The following CFAP54 variants were observed in gnomAD, a reference collection of about 807,000 sequenced individuals.
CFAP54 encodes the protein cilia and flagella associated protein 54.
CFAP54 carries 290 observed loss-of-function variants against 370.4 expected under a neutral mutation model. That is an observed-to-expected ratio of 0.78 (90% confidence interval 0.71 to 0.86). The LOEUF is 0.86. Among genes scored for constraint, CFAP54 ranks in the 40% least tolerant of loss-of-function variants. The probability of loss-of-function intolerance (pLI) is 0.00; values close to 1 mark genes in which losing one functional copy is unlikely to be tolerated. For synonymous variants in CFAP54, 1,206 were observed against 1,236.5 expected (o/e 0.98, Z 0.52); for missense variants, 3,399 against 3,528.7 (o/e 0.96, Z 0.93).
At chr12:96,720,610 T>C in intron 50 of CFAP54, 45 bp downstream of exon 50, 1 of 1,302,798 alleles carries the variant, frequency 7.7e-7, no homozygotes, top group Non-Finnish European at 9.9e-7. Flanking sequence ...TGAAGAGAGT[T>C]CCTTCACCCT....
chr12:96,795,208 G>T (rs961983884), intron 63 of CFAP54, among the ~76,000 whole-genome samples: 4 of 152,170 alleles, frequency 2.6e-5, no homozygotes, highest in Non-Finnish European at 5.9e-5. Context: ...CTGGTTTTGT[G>T]TTGGTTGGCC....
At chr12:96,552,370 G>C (rs907552537) in intron 15 of CFAP54, among the ~76,000 whole-genome samples, 1 of 151,708 alleles carries the variant, frequency 6.6e-6, no homozygotes, top group Non-Finnish European at 1.5e-5. Context: ...TTGAAACAGG[G>C]TCTCACTCTG....
chr12:96,660,673 A>G (rs560977246), intron 38 of CFAP54, among the ~76,000 whole-genome samples: 78 of 152,318 alleles, frequency 5.1e-4, no homozygotes, highest in African/African-American at 1.8e-3. Context: ...TAAGCAAGAA[A>G]TCAGTTCTGC....
At chr12:96,765,770 G>A (rs187478263) in intron 60 of CFAP54, among the ~76,000 whole-genome samples, 13 of 152,296 alleles carry the variant, frequency 8.5e-5, no homozygotes, top group East Asian at 5.8e-4. Flanking sequence ...ATTAATGAAA[G>A]AAATTAGCAA....
intron 66 of CFAP54, among the ~76,000 whole-genome samples, chr12:96,844,490 G>A (rs1228835114): frequency 2.6e-5 from 4 of 152,148 alleles, no homozygotes; most frequent in Admixed American, 2.0e-4. Context: ...TTAGCCCAGG[G>A]AAATGATTTC....
At chr12:96,638,586 A>G (rs145710789) in intron 32 of CFAP54, among the ~76,000 whole-genome samples, 3 of 151,818 alleles carry the variant, frequency 2.0e-5, no homozygotes. Context: ...ATTTAGTTCT[A>G]TATGTTTTTA....
At chr12:96,597,425 C>G (rs1956191762) in intron 25 of CFAP54, among the ~76,000 whole-genome samples, 1 of 151,814 alleles carries the variant, frequency 6.6e-6, no homozygotes, top group Admixed American at 6.6e-5. Context: ...ATCTTGATTG[C>G]TAATCATAGT....
At chr12:96,786,404 C>G (rs1403705515) in intron 61 of CFAP54, among the ~76,000 whole-genome samples, 1 of 152,114 alleles carries the variant, frequency 6.6e-6, no homozygotes, top group Non-Finnish European at 1.5e-5. Flanking sequence ...TGGTCTCAAA[C>G]TCCTGACCTC....
At position 96,756,493 on chromosome 12, in the gene CFAP54, T is replaced by A; in HGVS notation, c.7876T>A (p.Ser2626Thr). ...IERQILMEEK[S>T]PSFQLESLYE... is the part of the protein sequence containing the mutation. ...ACGTCAAATACTAATGGAAGAGAAATCTCCAAGTTTTCAACTTGAGAGTTT... is the reference window on the plus strand; with the variant it reads ...ACGTCAAATACTAATGGAAGAGAAAACTCCAAGTTTTCAACTTGAGAGTTT... The change falls in exon 57 of 68, where the codon TCT becomes ACT. Residue 2626 changes from serine (S) to threonine (T), a missense_variant. This residue lies in a region of CFAP54 where 2,796 missense variants were observed against 2,869.7 expected (regional missense o/e 0.97). Transcript: ENST00000524981. 1.2e-6 allele frequency: 2 copies of A among 1,602,698 alleles called. No homozygotes were observed. Among genetic ancestry groups the A allele is most frequent in the East Asian group, 4.5e-5 (2 of 44,774 alleles).
At position 96,720,479 on chromosome 12, in the gene CFAP54, G is replaced by A; in HGVS notation, c.6879G>A (p.Gln2293=). 1 of 1,605,606 alleles carries A rather than the reference G, an allele frequency of 6.2e-7. No homozygotes were observed. The highest frequency in any genetic ancestry group is 8.5e-7 in the Non-Finnish European group (1 of 1,175,358). Residue 2293 remains glutamine, a synonymous_variant, in exon 50 of 68, where the codon CAG becomes CAA. Transcript: ENST00000524981. ...AGGTGGAACAGAAGACCCTGTCTCA[G>A]TGCTCCGCTGGCGAGCTGGAGATTG... is the stretch of plus-strand genomic sequence containing the variant. ...LSEVEQKTLS[Q]CSAGELEIVV... is the part of the protein sequence containing the mutation.
At chr12:96,558,424 A>G (rs1389293994) in intron 17 of CFAP54, among the ~76,000 whole-genome samples, 2 of 152,136 alleles carry the variant, frequency 1.3e-5, no homozygotes, top group Non-Finnish European at 2.9e-5. Flanking sequence ...TAGAACTGAT[A>G]AACAAATTAA....
rs1397224627 is a variant in CFAP54, at chr12:96,784,736, C to T, written c.8301C>T (p.Phe2767=). The T allele has an allele frequency of 1.3e-6, 2 of 1,524,698 alleles. No homozygotes were observed. Among genetic ancestry groups the T allele is most frequent in the South Asian group, 1.2e-5 (1 of 81,390 alleles). The allele number at this position is 1,524,698 out of a possible 1,614,324, so 94.4% of individuals were successfully genotyped here. A position where few individuals can be genotyped will look rare whatever the true frequency, so the allele number is the denominator to read the frequency against. The change falls in exon 61 of 68, where the codon TTC becomes TTT. Residue 2767 remains phenylalanine, a synonymous_variant. Transcript: ENST00000524981. ...DYLLDNYQVL[F]QTSCTFLYQN... is the part of the protein sequence containing the mutation. ...TTTCAGACAACTACCAAGTCCTCTTCCAGACTTCCTGTACATTTTTGTACC... is the reference window on the plus strand; with the variant it reads ...TTTCAGACAACTACCAAGTCCTCTTTCAGACTTCCTGTACATTTTTGTACC...
At chr12:96,544,452 A>G (rs1241082022) in intron 14 of CFAP54, among the ~76,000 whole-genome samples, 6 of 148,246 alleles carry the variant, frequency 4.0e-5, no homozygotes, top group Admixed American at 6.7e-5. Context: ...CTGACTTTCT[A>G]CTTTCCTCCT....
intron 58 of CFAP54, among the ~76,000 whole-genome samples, chr12:96,762,155 ATTT>A (rs1958346749): frequency 6.6e-6 from 1 of 152,116 alleles, no homozygotes; most frequent in Non-Finnish European, 1.5e-5. Context: ...AGTCTTATAC[ATTT>A]TTGTTATTTC....
intron 67 of CFAP54, among the ~76,000 whole-genome samples, chr12:96,872,368 T>G (rs370631880): frequency 3.3e-5 from 5 of 152,182 alleles, no homozygotes; most frequent in African/African-American, 9.6e-5. Context: ...TTAACTATAT[T>G]AAGTGTAAAT....
intron 62 of CFAP54, among the ~76,000 whole-genome samples, chr12:96,790,096 C>T (rs1032006288): frequency 1.3e-4 from 20 of 152,110 alleles, no homozygotes; most frequent in Admixed American, 3.9e-4. Flanking sequence ...TGCATGTTGT[C>T]AAGTCTTTCG....
At chr12:96,657,270 A>G (rs930260927) in intron 36 of CFAP54, among the ~76,000 whole-genome samples, 2 of 152,230 alleles carry the variant, frequency 1.3e-5, no homozygotes, top group African/African-American at 4.8e-5. Context: ...CTATTGGTAC[A>G]TAGTAACTCT....
intron 14 of CFAP54, among the ~76,000 whole-genome samples, chr12:96,547,183 A>T (rs1317899343): frequency 6.6e-6 from 1 of 151,940 alleles, no homozygotes; most frequent in Non-Finnish European, 1.5e-5. Context: ...GAAAGCTTTT[A>T]TATTTATTTA....
intron 23 of CFAP54, among the ~76,000 whole-genome samples, chr12:96,590,548 G>A (rs567553756): frequency 1.3e-4 from 20 of 152,294 alleles, no homozygotes; most frequent in African/African-American, 4.8e-4. Flanking sequence ...TTCAGGCAAG[G>A]CGTTGATAAT....
Sources: allele counts gnomAD v4.1 joint callset (sites outside exome capture counted in the v4.1 genomes callset), GRCh38; gene constraint gnomAD v4.1.1; regional missense constraint gnomAD v4.1.1; transcripts MANE v1.5; gene names NCBI Gene and HGNC (gene_info 2026-07-23, HGNC 2026-07-21).